Variants in SLC14A2 observed in about 807,000 individuals in gnomAD.
SLC14A2 encodes the protein urea transporter 2.
In SLC14A2, 91 loss-of-function variants were observed where a neutral mutation model predicts 104.6. The observed-to-expected ratio is 0.87, with a 90% confidence interval of 0.73 to 1.04. The LOEUF is 1.04. Among genes scored for constraint, SLC14A2 ranks in the 50% least tolerant of loss-of-function variants. The probability of loss-of-function intolerance (pLI) is 0.00; values close to 1 mark genes in which losing one functional copy is unlikely to be tolerated. For missense variants in SLC14A2, 1,189 were observed against 1,156.0 expected, an observed-to-expected ratio of 1.03 and a Z score of -0.41; for synonymous variants, 476 against 466.4, an observed-to-expected ratio of 1.02 and a Z score of -0.27.
intron 2 of SLC14A2, among the ~76,000 whole-genome samples, chr18:45,496,056 T>G (rs1202181943): frequency 6.6e-6 from 1 of 152,162 alleles, no homozygotes; most frequent in Non-Finnish European, 1.5e-5. Context: ...TAATCTGTTT[T>G]CAAACCAGAC....
chr18:45,321,641 C>A (rs1348463172), intron 1 of SLC14A2, among the ~76,000 whole-genome samples: 1 of 152,124 alleles, frequency 6.6e-6, no homozygotes, highest in East Asian at 1.9e-4. Flanking sequence ...CTCCAGCGCC[C>A]GTGCTATTAT....
At chr18:45,401,064 G>C (rs1277412017) in intron 1 of SLC14A2, among the ~76,000 whole-genome samples, 3 of 152,162 alleles carry the variant, frequency 2.0e-5, no homozygotes, top group Non-Finnish European at 4.4e-5. Flanking sequence ...TGGGTGATAG[G>C]TGTACTCAGA....
chr18:45,503,384 T>C lies in SLC14A2; in HGVS notation c.-35+20062T>C, dbSNP rs115431043. ...ATGCTCTGTGCTTACTGAGCAAGTT[T>C]CCCTTCAGCACTGCCACATCCCTCC... On this transcript the variant is annotated intron_variant, in intron 2 of 20. Coordinates refer to the SLC14A2 transcript ENST00000586448. 8.2e-3 allele frequency among the ~76,000 whole-genome samples: 1,249 copies of C among 152,230 alleles called. 13 individuals are homozygous for C. Among genetic ancestry groups the C allele is most frequent in the African/African-American group, 0.029 (1,193 of 41,548 alleles).
chr18:45,511,612 GGTGA>G (rs1300521056), intron 2 of SLC14A2, among the ~76,000 whole-genome samples: 1 of 152,214 alleles, frequency 6.6e-6, no homozygotes, highest in Non-Finnish European at 1.5e-5. Flanking sequence ...CACCTTGAAA[GGTGA>G]GTAAGTGCCA....
intron 1 of SLC14A2, among the ~76,000 whole-genome samples, chr18:45,428,555 C>G (rs565970917): frequency 3.8e-4 from 58 of 152,256 alleles, no homozygotes; most frequent in South Asian, 1.2e-3. Flanking sequence ...AGAGGAGCCA[C>G]CCCTATAGGC....
intron 1 of SLC14A2, among the ~76,000 whole-genome samples, chr18:45,411,098 T>A (rs73953182): frequency 6.6e-6 from 1 of 152,210 alleles, no homozygotes; most frequent in African/African-American, 2.4e-5. Context: ...AACCTAACCC[T>A]GTATTCCCTT....
At chr18:45,225,057 G>A (rs1472222474) in intron 1 of SLC14A2, among the ~76,000 whole-genome samples, 1 of 152,170 alleles carries the variant, frequency 6.6e-6, no homozygotes, top group Non-Finnish European at 1.5e-5. Flanking sequence ...TAGTCATGAA[G>A]TTCTTGACCA....
chr18:45,419,294 C>T (rs1299559372), intron 1 of SLC14A2, among the ~76,000 whole-genome samples: 4 of 152,206 alleles, frequency 2.6e-5, no homozygotes, highest in Non-Finnish European at 4.4e-5. Flanking sequence ...CAAAGTTTCT[C>T]ACAGGCCCCT....
intron 1 of SLC14A2, among the ~76,000 whole-genome samples, chr18:45,385,383 A>G (rs548098861): frequency 1.3e-5 from 2 of 152,340 alleles, no homozygotes; most frequent in African/African-American, 4.8e-5. Flanking sequence ...AAATCTTCCT[A>G]AGAAACACAT....
At chr18:45,216,878 A>G (rs948007494) in intron 1 of SLC14A2, among the ~76,000 whole-genome samples, 2 of 151,814 alleles carry the variant, frequency 1.3e-5, no homozygotes, top group Admixed American at 1.3e-4. Flanking sequence ...TCCACACAAA[A>G]TCCTCCTCCT....
At chr18:45,492,219 T>A (rs922958718) in intron 2 of SLC14A2, 1 of 152,244 alleles carries the variant, frequency 6.6e-6, no homozygotes, top group Non-Finnish European at 1.5e-5. Context: ...CTGGAGGCCC[T>A]TAACTTGCAT....
chr18:45,363,644 A>C (rs535858257), intron 1 of SLC14A2, among the ~76,000 whole-genome samples: 1 of 152,342 alleles, frequency 6.6e-6, no homozygotes, highest in Admixed American at 6.5e-5. Flanking sequence ...AATATCAATG[A>C]GGCCGTGCTT....
At chr18:45,597,686 C>T (rs2144404193) in intron 2 of SLC14A2, among the ~76,000 whole-genome samples, 1 of 152,252 alleles carries the variant, frequency 6.6e-6, no homozygotes, top group South Asian at 2.1e-4. Flanking sequence ...AGGAGAGGGA[C>T]TCTGCTACAT....
the SLC14A2 span, among the ~76,000 whole-genome samples, chr18:45,168,413 T>C: frequency 6.6e-6 from 1 of 152,214 alleles, no homozygotes; most frequent in Non-Finnish European, 1.5e-5. Flanking sequence ...TTTATATATG[T>C]AAAACACTGA....
At chr18:45,204,174 A>G in the SLC14A2 span, among the ~76,000 whole-genome samples, 2 of 152,212 alleles carry the variant, frequency 1.3e-5, no homozygotes, top group African/African-American at 2.4e-5. Flanking sequence ...AAAATCTAAG[A>G]GGAATCCCCC....
chr18:45,432,661 T>C (rs761397401), intron 1 of SLC14A2, among the ~76,000 whole-genome samples: 7 of 152,140 alleles, frequency 4.6e-5, no homozygotes, highest in Non-Finnish European at 7.3e-5. Flanking sequence ...GTGAGTACAC[T>C]TTGATATGTT....
At chr18:45,663,714 A>G (rs8092227) in intron 10 of SLC14A2, 71 bp from the exon 11 acceptor site, 1,474,702 of 1,541,468 alleles carry the variant, frequency 0.96, 708,524 homozygotes, top group Non-Finnish European at 0.98. Context: ...GATTTTTCCC[A>G]GCTCTCTGCT....
intron 2 of SLC14A2, among the ~76,000 whole-genome samples, chr18:45,601,581 G>A (rs958516794): frequency 6.6e-6 from 1 of 152,170 alleles, no homozygotes; most frequent in Non-Finnish European, 1.5e-5. Context: ...ATTCCAATGG[G>A]GTTTTTCTTT....
At chr18:45,671,872 A>C (rs983040741) in intron 16 of SLC14A2, among the ~76,000 whole-genome samples, 3 of 152,172 alleles carry the variant, frequency 2.0e-5, no homozygotes, top group Non-Finnish European at 4.4e-5. Flanking sequence ...TAGACCCTCC[A>C]AAACACAGTC....
Sources: allele counts gnomAD v4.1 joint callset (sites outside exome capture counted in the v4.1 genomes callset), GRCh38; gene constraint gnomAD v4.1.1; transcripts MANE v1.5; gene names NCBI Gene and HGNC (gene_info 2026-07-23, HGNC 2026-07-21).